The following LSAMP variants were observed in gnomAD, a reference collection of about 807,000 sequenced individuals.
The protein encoded by LSAMP is limbic system associated membrane protein, also known as limbic system-associated membrane protein.
In LSAMP, 7 loss-of-function variants were observed where a neutral mutation model predicts 38.6. The observed-to-expected ratio is 0.18, with a 90% CI of 0.10 to 0.34. The LOEUF is 0.34. LSAMP is among the 10% of genes least tolerant of loss of function. The pLI is 1.00. For missense variants in LSAMP, 313 were observed against 420.0 expected (o/e 0.75, Z 2.23); for synonymous variants, 154 against 166.8 (o/e 0.92, Z 0.59).
chr3:116,219,436 TG>T (rs1381139999), intron 1 of LSAMP, among the ~76,000 whole-genome samples: 3 of 152,218 alleles, frequency 2.0e-5, no homozygotes, highest in Non-Finnish European at 4.4e-5. Flanking sequence ...AGTATCTCTT[TG>T]AGATCTTGAT....
intron 2 of LSAMP, among the ~76,000 whole-genome samples, chr3:116,032,788 G>A (rs1386971549): frequency 6.6e-6 from 1 of 152,050 alleles, no homozygotes. Flanking sequence ...GGGTGACAAA[G>A]AAGACCCTGT....
At chr3:116,199,461 T>A (rs1194378695) in intron 1 of LSAMP, among the ~76,000 whole-genome samples, 1 of 152,202 alleles carries the variant, frequency 6.6e-6, no homozygotes, top group African/African-American at 2.4e-5. Flanking sequence ...TGAAGAAAAG[T>A]GTCTAAGAGT....
Position 115,808,744 on chromosome 3 carries a change from A to G in LSAMP, c.*1573T>C, listed in dbSNP as rs931826372. The G allele has an allele frequency of 1.3e-5, 2 of 152,254 alleles. No homozygotes were observed. The highest frequency in any genetic ancestry group is 2.9e-5 in the Non-Finnish European group (2 of 68,068). The allele number at this position is 152,254 out of a possible 1,614,324, so 9.4% of individuals were successfully genotyped here. ...GATTATGCAGGCAACCAAATAAAACATTAACCTAGAACACTGGGAAAAACA... is the reference window on the plus strand; with the variant it reads ...GATTATGCAGGCAACCAAATAAAACGTTAACCTAGAACACTGGGAAAAACA... On this transcript the variant is annotated 3_prime_UTR_variant, in exon 7 of 7. Transcript: ENST00000490035.
intron 1 of LSAMP, among the ~76,000 whole-genome samples, chr3:116,423,143 A>G (rs1022120420): frequency 6.6e-6 from 1 of 152,274 alleles, no homozygotes; most frequent in Non-Finnish European, 1.5e-5. Context: ...CTGAGTAAAT[A>G]GATGAGCTAT....
intron 1 of LSAMP, among the ~76,000 whole-genome samples, chr3:116,114,448 G>T (rs1030073718): frequency 2.0e-4 from 31 of 151,992 alleles, no homozygotes; most frequent in Admixed American, 7.2e-4. Context: ...AAGGAACAAG[G>T]TCTGTTCATT....
At chr3:115,893,018 C>T (rs1936639907) in intron 3 of LSAMP, among the ~76,000 whole-genome samples, 1 of 151,658 alleles carries the variant, frequency 6.6e-6, no homozygotes, top group African/African-American at 2.4e-5. Context: ...TTATACAAAA[C>T]ATAAAAATCT....
chr3:116,324,382 G>A (rs61588063), intron 1 of LSAMP, among the ~76,000 whole-genome samples: 1,891 of 152,126 alleles, frequency 0.012, 47 homozygotes, highest in African/African-American at 0.044. Flanking sequence ...ACATCATCAA[G>A]CATAATAGTC....
chr3:115,898,837 A>G lies in LSAMP; in HGVS notation c.515-46220T>C, dbSNP rs1222055025. Among the ~76,000 whole-genome samples the G allele has an allele frequency of 1.4e-4, 22 of 152,150 alleles. No individual in the cohort carries two copies. The East Asian group carries it at 3.7e-3, about 26-fold the overall frequency. On this transcript the variant is annotated intron_variant, in intron 3 of 6. Coordinates refer to ENST00000490035, the MANE Select transcript of LSAMP (RefSeq NM_002338.5). ...GGTGACCACCCACTACATAGCCACA[A>G]AGGAAGTTCGAGAAAAGGAAGAAAG...
intron 2 of LSAMP, among the ~76,000 whole-genome samples, chr3:116,075,986 T>C (rs529291155): frequency 6.6e-6 from 1 of 152,330 alleles, no homozygotes; most frequent in Admixed American, 6.5e-5. Context: ...TTTCTTTACT[T>C]TTTACTTTTA....
At chr3:115,967,771 A>G (rs1421989078) in intron 3 of LSAMP, among the ~76,000 whole-genome samples, 1 of 151,760 alleles carries the variant, frequency 6.6e-6, no homozygotes, top group South Asian at 2.1e-4. Context: ...TTTTAAAACC[A>G]TTAGATCTCA....
intron 1 of LSAMP, among the ~76,000 whole-genome samples, chr3:116,199,800 G>A (rs1001355100): frequency 1.3e-5 from 2 of 152,208 alleles, no homozygotes; most frequent in Admixed American, 1.3e-4. Context: ...GTCAGAATTA[G>A]GTTCATTGAT....
intron 3 of LSAMP, among the ~76,000 whole-genome samples, chr3:115,915,642 T>A (rs1239575579): frequency 2.1e-5 from 3 of 144,248 alleles, no homozygotes; most frequent in Non-Finnish European, 4.6e-5. Flanking sequence ...AGGAATATCC[T>A]TTTTTTTTTT....
chr3:115,993,172 G>A (rs902670342), intron 3 of LSAMP, among the ~76,000 whole-genome samples: 2 of 152,072 alleles, frequency 1.3e-5, no homozygotes, highest in Non-Finnish European at 2.9e-5. Context: ...GGGAGAAGGT[G>A]ATAAATAAAT....
At chr3:116,025,443 C>T (rs1316204324) in intron 2 of LSAMP, among the ~76,000 whole-genome samples, 1 of 152,062 alleles carries the variant, frequency 6.6e-6, no homozygotes, top group Non-Finnish European at 1.5e-5. Flanking sequence ...AAGTTTAAAG[C>T]TTCTTTGTTG....
At chr3:115,943,883 C>T (rs551685356) in intron 3 of LSAMP, among the ~76,000 whole-genome samples, 5 of 152,268 alleles carry the variant, frequency 3.3e-5, no homozygotes, top group Non-Finnish European at 5.9e-5. Flanking sequence ...CAACTGCTTT[C>T]GAACTGCTTC....
chr3:115,957,388 T>C (rs1310058608), intron 3 of LSAMP, among the ~76,000 whole-genome samples: 1 of 152,162 alleles, frequency 6.6e-6, no homozygotes, highest in Non-Finnish European at 1.5e-5. Flanking sequence ...TTTAATGATG[T>C]CTTTCAATAC....
chr3:116,074,095 C>A (rs115895558), intron 2 of LSAMP, among the ~76,000 whole-genome samples: 1,664 of 152,300 alleles, frequency 0.011, 12 homozygotes, highest in Non-Finnish European at 0.02. Context: ...CACCAATTAC[C>A]TGAATAGATT....
chr3:116,235,845 C>A (rs1037742622), intron 1 of LSAMP, among the ~76,000 whole-genome samples: 22 of 152,128 alleles, frequency 1.4e-4, no homozygotes, highest in African/African-American at 5.3e-4. Flanking sequence ...AATCCCACTG[C>A]ATATTTTAAC....
At chr3:116,304,016 A>G (rs779474744) in intron 1 of LSAMP, among the ~76,000 whole-genome samples, 8 of 152,122 alleles carry the variant, frequency 5.3e-5, no homozygotes, top group Non-Finnish European at 1.2e-4. Context: ...GGGGTAATAA[A>G]TGATTTTTAC....
Sources: allele counts gnomAD v4.1 joint callset (sites outside exome capture counted in the v4.1 genomes callset), GRCh38; gene constraint gnomAD v4.1.1; transcripts MANE v1.5; gene names NCBI Gene and HGNC (gene_info 2026-07-23, HGNC 2026-07-21).